AGTPBP1: variants seen among roughly 807,000 people sequenced by gnomAD.
The protein encoded by AGTPBP1 is ATP/GTP binding carboxypeptidase 1.
Under a neutral mutation model 143.9 loss-of-function variants are expected in AGTPBP1, and 70 were observed. The ratio of observed to expected loss-of-function variants is 0.49; its 90% confidence interval spans 0.40 to 0.59. The LOEUF is 0.59. Among genes scored for constraint, AGTPBP1 ranks in the 20% least tolerant of loss-of-function variants. AGTPBP1 has a pLI of 0.00. For missense variants in AGTPBP1, 1,229 were observed against 1,464.5 expected, an observed-to-expected ratio of 0.84 and a Z score of 2.62; for synonymous variants, 463 against 500.2, an observed-to-expected ratio of 0.93 and a Z score of 0.99.
At chr9:85,565,289 T>C (rs1452527430) in intron 25 of AGTPBP1, among the ~76,000 whole-genome samples, 2 of 152,200 alleles carry the variant, frequency 1.3e-5, no homozygotes, top group Admixed American at 1.3e-4. Flanking sequence ...AGATACTGTA[T>C]CTCGGGAAAT....
chr9:85,723,030 G>C (rs545579561), intron 1 of AGTPBP1, among the ~76,000 whole-genome samples: 67 of 152,154 alleles, frequency 4.4e-4, no homozygotes, highest in Non-Finnish European at 7.8e-4. Context: ...GCTGCTGCTT[G>C]ATCCTTCCTC....
chr9:85,646,535 G>A (rs925260075), intron 11 of AGTPBP1, 117 bp from the exon 12 acceptor site: 1 of 728,556 alleles, frequency 1.4e-6, no homozygotes, highest in Non-Finnish European at 2.3e-6. Flanking sequence ...AAGTAAATGA[G>A]ATTTCTTATT....
intron 1 of AGTPBP1, among the ~76,000 whole-genome samples, chr9:85,726,522 G>C (rs1281535944): frequency 6.6e-6 from 1 of 152,218 alleles, no homozygotes; most frequent in Admixed American, 6.5e-5. Context: ...GGTTGGTAAA[G>C]AACTGTATCT....
At chr9:85,603,067 T>C (rs1829770021) in intron 17 of AGTPBP1, among the ~76,000 whole-genome samples, 1 of 152,158 alleles carries the variant, frequency 6.6e-6, no homozygotes, top group Non-Finnish European at 1.5e-5. Context: ...CTACATAAAC[T>C]TGAAAGGCAG....
At chr9:85,782,378 G>T in the AGTPBP1 span, among the ~76,000 whole-genome samples, 3 of 152,210 alleles carry the variant, frequency 2.0e-5, no homozygotes, top group East Asian at 3.9e-4. Flanking sequence ...AGCCAGGTGT[G>T]GTGGTGCATG....
At position 85,702,854 on chromosome 9, in the gene AGTPBP1, T is replaced by C. The variant is rs559948993; in HGVS notation, c.32+9648A>G. On this transcript the variant is annotated intron_variant, in intron 2 of 25. Transcript: ENST00000357081. ...GAGACAAACTACTTTGGATACATGC[T>C]ATTGGTTTACATAATTGTTGAATAG... Among the ~76,000 whole-genome samples, 41 of 152,278 alleles carry C rather than the reference T, an allele frequency of 2.7e-4. 1 individual carries two copies. In the Middle Eastern group the frequency reaches 0.017, roughly 64 times the overall value.
At chr9:85,584,523 G>T (rs972137937) in intron 23 of AGTPBP1, among the ~76,000 whole-genome samples, 3 of 152,070 alleles carry the variant, frequency 2.0e-5, no homozygotes, top group Non-Finnish European at 4.4e-5. Flanking sequence ...GTTAGAATGG[G>T]GTATGAAATT....
chr9:85,706,687 G>A (rs1837028686), intron 2 of AGTPBP1, among the ~76,000 whole-genome samples: 1 of 151,636 alleles, frequency 6.6e-6, no homozygotes, highest in Non-Finnish European at 1.5e-5. Flanking sequence ...TGGCTAACAC[G>A]GTAAAACCTC....
At chr9:85,591,164 ATAG>A (rs1222569117) in intron 19 of AGTPBP1, among the ~76,000 whole-genome samples, 2 of 149,724 alleles carry the variant, frequency 1.3e-5, no homozygotes, top group Admixed American at 6.6e-5. Flanking sequence ...AATACTTCAA[ATAG>A]TATGTGGATA....
At position 85,735,012 on chromosome 9, in the gene AGTPBP1, G is replaced by A. The variant is rs376362156; in HGVS notation, c.-34+6763C>T. 2.4e-4 allele frequency among the ~76,000 whole-genome samples: 37 copies of A among 152,188 alleles called. 1 individual carries two copies. Among genetic ancestry groups the A allele is most frequent in the African/African-American group, 7.0e-4 (29 of 41,528 alleles). On this transcript the variant is annotated intron_variant, in intron 1 of 25. Transcript: ENST00000357081. ...ATCGCGCCACTGCCCTCCAGCCTGG[G>A]CAACACAGCGAGACTCCATCTAAAA...
At chr9:85,655,410 T>C in intron 10 of AGTPBP1, 90 bp from the exon 11 acceptor site, 8 of 1,099,686 alleles carry the variant, frequency 7.3e-6, no homozygotes, top group Non-Finnish European at 9.9e-6. Context: ...CATACATTAA[T>C]AATTTTCTAG....
At chr9:85,581,322 G>A (rs970121279) in intron 23 of AGTPBP1, among the ~76,000 whole-genome samples, 1 of 152,150 alleles carries the variant, frequency 6.6e-6, no homozygotes, top group Non-Finnish European at 1.5e-5. Flanking sequence ...ACCATATTTT[G>A]GCCAAGGCCT....
At chr9:85,740,146 A>G (rs1289314877) in intron 1 of AGTPBP1, among the ~76,000 whole-genome samples, 1 of 152,240 alleles carries the variant, frequency 6.6e-6, no homozygotes, top group East Asian at 1.9e-4. Flanking sequence ...AATTCGGAAA[A>G]GCTTTATAAA....
the AGTPBP1 span, chr9:85,756,119 G>C: frequency 1.9e-6 from 3 of 1,608,974 alleles, no homozygotes; most frequent in South Asian, 3.3e-5. Flanking sequence ...AGTAGAGAAA[G>C]TTCTGAACCA....
intron 25 of AGTPBP1, among the ~76,000 whole-genome samples, chr9:85,555,548 G>A (rs1252770164): frequency 2.0e-5 from 3 of 152,174 alleles, no homozygotes; most frequent in Non-Finnish European, 4.4e-5. Flanking sequence ...GCAGTGAGCC[G>A]AGATCGTGCC....
chr9:85,805,161 C>CT, the AGTPBP1 span, among the ~76,000 whole-genome samples: 1 of 152,176 alleles, frequency 6.6e-6, no homozygotes, highest in African/African-American at 2.4e-5. Flanking sequence ...TTCTGGTCCT[C>CT]TCCCCCAACT....
chr9:85,626,861 G>A (rs1420980577), intron 14 of AGTPBP1, among the ~76,000 whole-genome samples: 2 of 152,146 alleles, frequency 1.3e-5, no homozygotes, highest in Non-Finnish European at 2.9e-5. Flanking sequence ...GTGCCACGAA[G>A]CCTTATTTTC....
At chr9:85,658,841 T>G (rs1379774545) in intron 9 of AGTPBP1, among the ~76,000 whole-genome samples, 5 of 152,166 alleles carry the variant, frequency 3.3e-5, no homozygotes, top group African/African-American at 1.2e-4. Context: ...CCCAGTATTG[T>G]GTCTACAATA....
Position 85,646,971 on chromosome 9 carries a change from C to T in AGTPBP1, c.1088-553G>A, listed in dbSNP as rs574969667. ...AAATTACACACACACACACAAATCT[C>T]ATATTGTTTTAAGAAAATTTATGAG... On this transcript the variant is annotated intron_variant, in intron 11 of 25. Coordinates refer to ENST00000357081, the MANE Select transcript of AGTPBP1 (RefSeq NM_001330701.2). 5.9e-5 allele frequency among the ~76,000 whole-genome samples: 9 copies of T among 152,160 alleles called. No homozygotes were observed. The East Asian group carries it at 1.7e-3, about 29-fold the overall frequency.
Sources: gnomAD v4.1 joint callset for allele counts (sites outside exome capture counted in the v4.1 genomes callset) on GRCh38, gnomAD v4.1.1 for gene constraint, MANE v1.5 for transcripts, NCBI Gene and HGNC (gene_info 2026-07-23, HGNC 2026-07-21) for gene names.